FER: variants seen among roughly 807,000 people sequenced by gnomAD.
FER encodes tyrosine-protein kinase Fer.
FER carries 63 observed loss-of-function variants against 111.0 expected under a neutral mutation model. The observed-to-expected ratio is 0.57, with a 90% CI of 0.46 to 0.70. The LOEUF (loss-of-function observed/expected upper bound fraction) is 0.70, where lower values mean the gene tolerates loss of function less well. Among genes scored for constraint, FER ranks in the 30% least tolerant of loss-of-function variants. FER has a pLI of 0.00. For missense variants in FER, 914 were observed against 954.0 expected (o/e 0.96, Z 0.55); for synonymous variants, 327 against 313.9 (o/e 1.04, Z -0.44).
rs1752235401 is a variant in FER at position 109,130,438 on chromosome 5, A to G, written c.2048+29919A>G. 2.0e-5 allele frequency among the ~76,000 whole-genome samples: 3 copies of G among 152,232 alleles called. No homozygotes were observed. In the South Asian group the frequency reaches 6.2e-4, roughly 32 times the overall value. ...TCTGTACTTCCTATTGGCCTTGTCC[A>G]AGATATGTAGTATGAACTACATATG... On this transcript the variant is annotated intron_variant, in intron 17 of 19. Coordinates refer to ENST00000281092, the MANE Select transcript of FER (RefSeq NM_005246.4).
At chr5:109,143,573 A>G (rs1029484275) in intron 17 of FER, among the ~76,000 whole-genome samples, 1 of 152,002 alleles carries the variant, frequency 6.6e-6, no homozygotes, top group Non-Finnish European at 1.5e-5. Flanking sequence ...ACCCCATGAA[A>G]ATAGTCTCCA....
intron 13 of FER, among the ~76,000 whole-genome samples, chr5:109,026,922 G>A (rs11959479): frequency 6.6e-6 from 1 of 151,858 alleles, no homozygotes; most frequent in Non-Finnish European, 1.5e-5. Context: ...CTTGTGAACT[G>A]CCCACCTCGG....
intron 16 of FER, among the ~76,000 whole-genome samples, chr5:109,099,718 G>T (rs947119963): frequency 6.6e-6 from 1 of 151,290 alleles, no homozygotes; most frequent in South Asian, 2.1e-4. Flanking sequence ...TAAAAATGTG[G>T]CTACTAGTAA....
intron 16 of FER, among the ~76,000 whole-genome samples, chr5:109,048,108 C>T (rs1451485246): frequency 2.0e-5 from 3 of 151,930 alleles, no homozygotes; most frequent in Non-Finnish European, 2.9e-5. Flanking sequence ...ATATGTAAAA[C>T]GTTTCTAATT....
intron 3 of FER, among the ~76,000 whole-genome samples, chr5:108,810,636 A>C (rs1757662101): frequency 6.6e-6 from 1 of 152,188 alleles, no homozygotes. Context: ...GTACTGCAGC[A>C]CCACAGTCTC....
intron 17 of FER, among the ~76,000 whole-genome samples, chr5:109,114,403 GTTC>G (rs1457272816): frequency 6.6e-6 from 1 of 152,022 alleles, no homozygotes; most frequent in African/African-American, 2.4e-5. Context: ...CAATGGTGCT[GTTC>G]TTTTCATTTT....
chr5:108,838,032 CAT>C (rs1760850789), intron 5 of FER, among the ~76,000 whole-genome samples: 1 of 152,114 alleles, frequency 6.6e-6, no homozygotes, highest in Non-Finnish European at 1.5e-5. Flanking sequence ...CCACTTCACA[CAT>C]GAGAGATAGG....
chr5:109,187,406 T>A, intron 19 of FER, 27 bp from the exon 20 acceptor site: 13 of 1,606,662 alleles, frequency 8.1e-6, no homozygotes, highest in Non-Finnish European at 1.1e-5. Context: ...CATTCTAAAT[T>A]CTGTTCTCCT....
At chr5:108,868,154 G>T (rs1045685778) in intron 6 of FER, among the ~76,000 whole-genome samples, 1 of 151,796 alleles carries the variant, frequency 6.6e-6, no homozygotes, top group African/African-American at 2.4e-5. Context: ...CTTCCAAAAT[G>T]GTCCTTCTTT....
At chr5:109,068,770 G>T (rs1237305831) in intron 16 of FER, among the ~76,000 whole-genome samples, 1 of 152,114 alleles carries the variant, frequency 6.6e-6, no homozygotes, top group East Asian at 1.9e-4. Context: ...TAAAGAATGT[G>T]GCTCATTTCT....
intron 3 of FER, among the ~76,000 whole-genome samples, chr5:108,803,123 G>C (rs1333363778): frequency 1.3e-5 from 2 of 152,002 alleles, no homozygotes; most frequent in Non-Finnish European, 2.9e-5. Context: ...TCATGTGTTT[G>C]TTGGCCACTT....
At chr5:109,018,402 A>G (rs1244319189) in intron 13 of FER, among the ~76,000 whole-genome samples, 1 of 151,864 alleles carries the variant, frequency 6.6e-6, no homozygotes, top group African/African-American at 2.4e-5. Context: ...TTGATATCTT[A>G]CCATTGGGAC....
intron 2 of FER, among the ~76,000 whole-genome samples, chr5:108,777,627 T>A (rs1288075361): frequency 1.3e-5 from 2 of 152,220 alleles, no homozygotes; most frequent in Non-Finnish European, 2.9e-5. Flanking sequence ...CTGATCTTTT[T>A]ACTGTTGTAT....
intron 1 of FER, among the ~76,000 whole-genome samples, chr5:108,765,961 A>T (rs543198963): frequency 1.4e-3 from 215 of 151,264 alleles, no homozygotes; most frequent in African/African-American, 5.1e-3. Flanking sequence ...GCAGGGTCTC[A>T]CTTTATTGCC....
At chr5:108,882,635 T>C (rs1765793226) in intron 8 of FER, among the ~76,000 whole-genome samples, 2 of 152,006 alleles carry the variant, frequency 1.3e-5, no homozygotes, top group African/African-American at 4.8e-5. Flanking sequence ...ATGATCTCTT[T>C]AAGTTCAAAT....
chr5:109,080,046 T>C (rs1197323639), intron 16 of FER, among the ~76,000 whole-genome samples: 1 of 152,120 alleles, frequency 6.6e-6, no homozygotes, highest in African/African-American at 2.4e-5. Flanking sequence ...AATACATTTT[T>C]CCTCCCATGG....
At chr5:108,902,432 A>G (rs1750168750) in intron 10 of FER, among the ~76,000 whole-genome samples, 1 of 152,202 alleles carries the variant, frequency 6.6e-6, no homozygotes, top group South Asian at 2.1e-4. Context: ...TAAGAAGTGT[A>G]CCATGGAGAA....
At chr5:108,931,234 G>T (rs899022970) in intron 10 of FER, among the ~76,000 whole-genome samples, 1 of 152,102 alleles carries the variant, frequency 6.6e-6, no homozygotes, top group African/African-American at 2.4e-5. Flanking sequence ...TTTCAACAGA[G>T]ACTTCAAATG....
intron 17 of FER, among the ~76,000 whole-genome samples, chr5:109,135,602 A>G (rs1752801834): frequency 6.6e-6 from 1 of 152,188 alleles, no homozygotes; most frequent in African/African-American, 2.4e-5. Context: ...AAGGGAAACA[A>G]GACTTTTGGG....
Sources: gnomAD v4.1 joint callset for allele counts (sites outside exome capture counted in the v4.1 genomes callset) on GRCh38, gnomAD v4.1.1 for gene constraint, MANE v1.5 for transcripts, NCBI Gene and HGNC (gene_info 2026-07-23, HGNC 2026-07-21) for gene names.